Variants in FNDC7 observed in about 807,000 individuals in gnomAD.
FNDC7 encodes fibronectin type III domain containing 7.
Under a neutral mutation model 74.2 loss-of-function variants are expected in FNDC7, and 66 were observed. The ratio of observed to expected loss-of-function variants is 0.89; its 90% CI spans 0.73 to 1.09. The LOEUF is 1.09. Ranked by LOEUF, FNDC7 falls within the 50% of genes least tolerant of loss-of-function variation. The pLI, the probability that FNDC7 is intolerant of heterozygous loss-of-function variation, is 0.00. For missense variants in FNDC7, 829 were observed against 893.4 expected (o/e 0.93, Z 0.92); for synonymous variants, 307 against 330.2 (o/e 0.93, Z 0.76).
At chr1:108,739,239 C>A (rs1661585158) in intron 11 of FNDC7, among the ~76,000 whole-genome samples, 1 of 152,190 alleles carries the variant, frequency 6.6e-6, no homozygotes, top group Admixed American at 6.5e-5. Context: ...GTGGCTCACG[C>A]CTGTAATCTC....
rs775558951 is a variant in FNDC7 at position 108,730,751 on chromosome 1, G to A, written c.1702G>A (p.Val568Met). 11 of 1,613,576 alleles carry A rather than the reference G, an allele frequency of 6.8e-6. No individual in the cohort carries two copies. Among genetic ancestry groups the A allele is most frequent in the Non-Finnish European group, 9.3e-6 (11 of 1,179,836 alleles). The change falls in exon 9 of 13, where the codon GTG becomes ATG. Residue 568 changes from valine to methionine, a missense_variant. Coordinates refer to ENST00000370017, the MANE Select transcript of FNDC7 (RefSeq NM_001144937.3). The stretch of plus-strand genomic sequence containing the variant: ...CAACGTGAGCTGGACTATTGGGAGA[G>A]TGGCTCAAACCCATGTTGCAGTTCT... ...VINVSWTIGR[V>M]AQTHVAVLES...
At chr1:108,741,895 G>T in intron 12 of FNDC7, 30 bp from the exon 13 acceptor site, 1 of 1,299,420 alleles carries the variant, frequency 7.7e-7, no homozygotes, top group Non-Finnish European at 1.1e-6. Context: ...TTTTGTCTTT[G>T]TTTAAAATGT....
chr1:108,712,954 A>G lies in FNDC7; in HGVS notation c.21A>G (p.Thr7=). ...ACAGGATGGCTGGTGGACGAGAGAC[A>G]TGTTTGCCTTTGATTGGATTCATTC... The part of the protein sequence containing the change: MAGGRE[T]CLPLIGFILI... Residue 7 remains threonine, a synonymous_variant, in exon 1 of 13, where the codon ACA becomes ACG. Transcript: ENST00000370017. 6.4e-7 allele frequency: 1 copy of G among 1,551,696 alleles called. No homozygotes were observed. Among genetic ancestry groups the G allele is most frequent in the Non-Finnish European group, 8.7e-7 (1 of 1,146,974 alleles).
At chr1:108,717,707 G>A in intron 2 of FNDC7, 70 bp from the exon 3 acceptor site, 5 of 1,466,416 alleles carry the variant, frequency 3.4e-6, no homozygotes, top group Non-Finnish European at 4.6e-6. Flanking sequence ...TTAGCTTGAA[G>A]AGTAAAATGA....
Position 108,717,817 on chromosome 1 carries a change from C to T in FNDC7, c.123C>T (p.Leu41=). Residue 41 remains leucine (L), a synonymous_variant, in exon 3 of 13, where the codon CTC becomes CTT. Coordinates refer to ENST00000370017, the MANE Select transcript of FNDC7 (RefSeq NM_001144937.3). ...CTATTGATCAGGCATATTCAAAACT[C>T]AGCAACAGTATCACTGTAGAATGGG... ...IPTIDQAYSK[L]SNSITVEWAT... is the part of the protein sequence containing the mutation. 6.4e-7 allele frequency: 1 copy of T among 1,551,734 alleles called. No homozygotes were observed. Among genetic ancestry groups the T allele is most frequent in the Non-Finnish European group, 8.7e-7 (1 of 1,146,994 alleles).
chr1:108,717,789 C>T lies in FNDC7; in HGVS notation c.95C>T (p.Pro32Leu). Residue 32 changes from proline (P) to leucine (L), a missense_variant, in exon 3 of 13, where the codon CCC (proline) becomes CTC (leucine). Pro to Leu is a moderately conservative substitution (Grantham distance 98). Coordinates refer to ENST00000370017, the MANE Select transcript of FNDC7 (RefSeq NM_001144937.3). ...AAACCTCTTTCAGCTCCTGAAATAC[C>T]CACTATTGATCAGGCATATTCAAAA... The part of the protein sequence containing the change: ...VASAKSAPEI[P>L]TIDQAYSKLS... 1 of 1,551,620 alleles carries T rather than the reference C, an allele frequency of 6.4e-7. No homozygotes were observed. The highest frequency in any genetic ancestry group is 8.7e-7 in the Non-Finnish European group (1 of 1,146,962).
intron 6 of FNDC7, among the ~76,000 whole-genome samples, chr1:108,727,530 G>A (rs925111913): frequency 2.0e-5 from 3 of 152,138 alleles, no homozygotes; most frequent in South Asian, 2.1e-4. Context: ...AAGGGCGCAC[G>A]TGGCGTGGGG....
Position 108,742,040 on chromosome 1 carries a change from C to A in FNDC7, c.*153C>A. The A allele has an allele frequency of 1.8e-6, 1 of 559,762 alleles. No homozygotes were observed. Among genetic ancestry groups the A allele is most frequent in the Non-Finnish European group, 3.2e-6 (1 of 315,684 alleles). 34.7% of individuals were successfully genotyped at this position (559,762 alleles called of 1,614,324 possible). ...CTTTAGAAGAACAACTCTGACTCTG[C>A]TTCCTGAGGGCAAGGTCAGGTGTGT... is the stretch of plus-strand genomic sequence containing the variant. On this transcript the variant is annotated 3_prime_UTR_variant, in exon 13 of 13. Transcript: ENST00000370017.
rs899093581 is a variant in FNDC7, at chr1:108,737,633, T to C, written c.2170+109T>C. 7 of 815,084 alleles carry C rather than the reference T, an allele frequency of 8.6e-6. No homozygotes were observed. In the African/African-American group the frequency reaches 1.1e-4, roughly 12 times the overall value. The allele number at this position is 815,084 out of a possible 1,614,324, so 50.5% of individuals were successfully genotyped here. A position where few individuals can be genotyped will look rare whatever the true frequency, so the allele number is the denominator to read the frequency against. ...TTAGAAAGCAAATGCTTTCTTTCTT[T>C]GATACAAGGGGCTCCTGCTCTCTTA... On this transcript the variant is annotated intron_variant, in intron 11 of 12. Coordinates refer to ENST00000370017, the MANE Select transcript of FNDC7 (RefSeq NM_001144937.3).
At chr1:108,738,149 A>G (rs1225646412) in intron 11 of FNDC7, among the ~76,000 whole-genome samples, 3 of 152,224 alleles carry the variant, frequency 2.0e-5, no homozygotes, top group African/African-American at 7.2e-5. Flanking sequence ...TGGTCTGACC[A>G]CACATGGAGT....
At position 108,717,888 on chromosome 1, in the gene FNDC7, G is replaced by A; in HGVS notation, c.194G>A (p.Gly65Glu). The change falls in exon 3 of 13, where the codon GGG becomes GAG. Residue 65 changes from glycine (G) to glutamate (E), a missense_variant. By Grantham distance (98) the Gly-to-Glu change is moderately conservative. Coordinates refer to ENST00000370017, the MANE Select transcript of FNDC7 (RefSeq NM_001144937.3). The stretch of plus-strand genomic sequence containing the variant: ...AGTTACCTCCTCACGGCTGAAGACG[G>A]GGACACAGTCATTGAAACCACGGTG... The part of the protein sequence containing the change: ...ATSYLLTAED[G>E]DTVIETTVAN... The A allele has an allele frequency of 6.4e-7, 1 of 1,551,690 alleles. No homozygotes were observed. Among genetic ancestry groups the A allele is most frequent in the Non-Finnish European group, 8.7e-7 (1 of 1,146,988 alleles).
chr1:108,734,491 A>G (rs999839217), intron 10 of FNDC7: 6 of 152,354 alleles, frequency 3.9e-5, no homozygotes, highest in African/African-American at 1.4e-4. Context: ...AAGCCCTAGA[A>G]TTTTGCAGGT....
chr1:108,719,159 CAA>C, intron 4 of FNDC7, 110 bp downstream of exon 4: 1 of 1,203,446 alleles, frequency 8.3e-7, no homozygotes, highest in Non-Finnish European at 1.2e-6. Context: ...GAGCAGCTGG[CAA>C]CAGCTATTTA....
chr1:108,726,684 T>C (rs1425806200), intron 6 of FNDC7, among the ~76,000 whole-genome samples: 1 of 152,026 alleles, frequency 6.6e-6, no homozygotes, highest in Admixed American at 6.6e-5. Flanking sequence ...TCCTCAGTGC[T>C]TATAATAGTG....
chr1:108,730,381 T>G (rs1661315616), intron 8 of FNDC7, among the ~76,000 whole-genome samples: 1 of 145,194 alleles, frequency 6.9e-6, no homozygotes. Context: ...AAAAAAATGT[T>G]GAAGATGGGG....
chr1:108,730,686 C>T lies in FNDC7; in HGVS notation c.1637C>T (p.Pro546Leu). 2 of 1,575,348 alleles carry T rather than the reference C, an allele frequency of 1.3e-6. No homozygotes were observed. Among genetic ancestry groups the T allele is most frequent in the East Asian group, 2.3e-5 (1 of 43,346 alleles). The change falls in exon 9 of 13, where the codon CCA becomes CTA. Residue 546 changes from proline to leucine, a missense_variant. Coordinates refer to ENST00000370017, the MANE Select transcript of FNDC7 (RefSeq NM_001144937.3). ...SVPLETVPCC[P>L]TGLTVTQITQ... is the part of the protein sequence containing the mutation. ...TATCCCATTTAAGTGCCATGCTGTC[C>T]AACCGGTCTGACAGTAACTCAAATC...
chr1:108,720,061 G>A (rs188075979), intron 4 of FNDC7, among the ~76,000 whole-genome samples: 9 of 152,198 alleles, frequency 5.9e-5, no homozygotes, highest in East Asian at 5.8e-4. Flanking sequence ...ATAGCCCTGC[G>A]GTGATTCATG....
At position 108,730,924 on chromosome 1, in the gene FNDC7, C is replaced by T. The variant is rs117641152; in HGVS notation, c.1875C>T (p.Phe625=). Residue 625 remains phenylalanine (F), a synonymous_variant, in exon 9 of 13, where the codon TTC becomes TTT. Transcript: ENST00000370017. ...CAGATTGCTCCTACCAAAGTTATTTCTCTGGTAAGTGAACTCTAGCTCTAG... is the reference window on the plus strand; with the variant it reads ...CAGATTGCTCCTACCAAAGTTATTTTTCTGGTAAGTGAACTCTAGCTCTAG... ...LTADCSYQSY[F]SGACCPLGVK... is the part of the protein sequence containing the mutation. 2 of 1,608,292 alleles carry T rather than the reference C, an allele frequency of 1.2e-6. No homozygotes were observed. Among genetic ancestry groups the T allele is most frequent in the East Asian group, 2.2e-5 (1 of 44,844 alleles).
At chr1:108,739,554 C>T (rs779082716) in intron 11 of FNDC7, among the ~76,000 whole-genome samples, 1 of 152,186 alleles carries the variant, frequency 6.6e-6, no homozygotes, top group Non-Finnish European at 1.5e-5. Flanking sequence ...CCCATCCTGA[C>T]CTACTAAATC....
Sources: allele counts gnomAD v4.1 joint callset (sites outside exome capture counted in the v4.1 genomes callset), GRCh38; gene constraint gnomAD v4.1.1; transcripts MANE v1.5; gene names NCBI Gene and HGNC (gene_info 2026-07-23, HGNC 2026-07-21).